Variants in MAGI1 observed in about 807,000 individuals in gnomAD.
The protein encoded by MAGI1 is membrane-associated guanylate kinase, WW and PDZ domain-containing protein 1.
A neutral mutation model predicts 139.9 loss-of-function variants in MAGI1; 58 were observed. The ratio of observed to expected loss-of-function variants is 0.41; its 90% CI spans 0.34 to 0.52. The LOEUF is 0.52. Among genes scored for constraint, MAGI1 ranks in the 20% least tolerant of loss-of-function variants. The pLI, the probability that MAGI1 is intolerant of heterozygous loss-of-function variation, is 0.12. For synonymous variants in MAGI1, 812 were observed against 737.9 expected, an observed-to-expected ratio of 1.10 and a Z score of -1.63; for missense variants, 1,874 against 1,901.6, an observed-to-expected ratio of 0.99 and a Z score of 0.27.
intron 2 of MAGI1, among the ~76,000 whole-genome samples, chr3:65,530,650 T>A (rs1319643707): frequency 7.0e-6 from 1 of 141,866 alleles, no homozygotes. Context: ...TGTGTGTGTG[T>A]GTGTGTGTGT....
At chr3:65,918,956 C>CA (rs2062038826) in intron 1 of MAGI1, among the ~76,000 whole-genome samples, 1 of 150,764 alleles carries the variant, frequency 6.6e-6, no homozygotes, top group African/African-American at 2.4e-5. Flanking sequence ...ACAAACAAAA[C>CA]AAAATGTAAA....
chr3:65,987,108 G>C (rs1335403406), intron 1 of MAGI1, among the ~76,000 whole-genome samples: 1 of 152,188 alleles, frequency 6.6e-6, no homozygotes, highest in Non-Finnish European at 1.5e-5. Context: ...CTGACCTCAA[G>C]TGATCCGCCT....
chr3:65,399,632 T>C (rs1381613273), intron 13 of MAGI1, among the ~76,000 whole-genome samples: 2 of 152,184 alleles, frequency 1.3e-5, no homozygotes, highest in Admixed American at 1.3e-4. Flanking sequence ...GGTAAAGCAG[T>C]TGAGAGCTTC....
intron 1 of MAGI1, among the ~76,000 whole-genome samples, chr3:65,787,640 G>A (rs1279138181): frequency 1.3e-5 from 2 of 151,180 alleles, no homozygotes; most frequent in African/African-American, 4.9e-5. Context: ...TAGGCCAGAT[G>A]GACAAATAAA....
chr3:65,364,823 C>G (rs1389885665), intron 19 of MAGI1, 30 bp downstream of exon 19: 1 of 1,612,860 alleles, frequency 6.2e-7, no homozygotes, highest in East Asian at 2.2e-5. Flanking sequence ...CTTTTTTCCC[C>G]TTTAACAAAG....
intron 1 of MAGI1, among the ~76,000 whole-genome samples, chr3:65,696,635 G>A (rs1200996512): frequency 6.6e-6 from 1 of 151,474 alleles, no homozygotes; most frequent in African/African-American, 2.4e-5. Flanking sequence ...TTTCCCTCCT[G>A]CTAGATACCA....
intron 1 of MAGI1, among the ~76,000 whole-genome samples, chr3:65,826,019 A>T (rs527848523): frequency 1.6e-3 from 240 of 151,708 alleles, no homozygotes; most frequent in African/African-American, 5.5e-3. Flanking sequence ...TTTGAATTTT[A>T]TATATATATA....
rs925180700 is a variant in MAGI1, at chr3:65,890,132, G to A, written c.313+147864C>T. ...TGTAATCCCGGCACTTTGGGAGGCC[G>A]AGTGGACGGATCACGAGGTCAGGAG... On this transcript the variant is annotated intron_variant, in intron 1 of 22. Coordinates refer to ENST00000402939, the MANE Select transcript of MAGI1 (RefSeq NM_001033057.2). 2.0e-4 allele frequency among the ~76,000 whole-genome samples: 16 copies of A among 81,814 alleles called. 1 individual carries two copies. The South Asian group carries it at 5.9e-3, about 30-fold the overall frequency. The allele number at this position is 81,814 out of a possible 152,430, so 53.7% of individuals were successfully genotyped here. A position where few individuals can be genotyped will look rare whatever the true frequency, so the allele number is the denominator to read the frequency against.
At position 65,465,993 on chromosome 3, in the gene MAGI1, T is replaced by A. The variant is rs542219679; in HGVS notation, c.959+4290A>T. Reference sequence around the variant, plus strand: ...TTTCAGGTCCACTGATTCTCTCCTCTCCCCACTCTCTTCTGCTGTTGAATC... The same window carrying A: ...TTTCAGGTCCACTGATTCTCTCCTCACCCCACTCTCTTCTGCTGTTGAATC... On this transcript the variant is annotated intron_variant, in intron 5 of 22. Coordinates refer to ENST00000402939, the MANE Select transcript of MAGI1 (RefSeq NM_001033057.2). Among the ~76,000 whole-genome samples the A allele has an allele frequency of 3.3e-5, 5 of 152,266 alleles. No individual in the cohort carries two copies. In the East Asian group the frequency reaches 9.7e-4, roughly 29 times the overall value.
At chr3:65,402,082 A>G (rs1944944644) in intron 12 of MAGI1, 1 of 197,182 alleles carries the variant, frequency 5.1e-6, no homozygotes, top group Non-Finnish European at 9.1e-6. Flanking sequence ...AAGTTGCTCT[A>G]GGGTCCCCTC....
intron 1 of MAGI1, among the ~76,000 whole-genome samples, chr3:65,701,134 A>T (rs1348477338): frequency 2.0e-5 from 3 of 152,222 alleles, no homozygotes; most frequent in African/African-American, 7.2e-5. Context: ...TTCACATATT[A>T]TTTAATTTTC....
At chr3:65,608,722 T>A (rs2082877939) in intron 2 of MAGI1, among the ~76,000 whole-genome samples, 1 of 152,198 alleles carries the variant, frequency 6.6e-6, no homozygotes, top group Non-Finnish European at 1.5e-5. Flanking sequence ...TGGAAACTAT[T>A]TGGCAATATT....
chr3:65,584,086 GAAAAAAAA>G (rs542674034), intron 2 of MAGI1, among the ~76,000 whole-genome samples: 53 of 95,860 alleles, frequency 5.5e-4, no homozygotes, highest in Non-Finnish European at 9.3e-4. Context: ...ATCTACTCTT[GAAAAAAAA>G]AAAAAAAAAA....
intron 1 of MAGI1, among the ~76,000 whole-genome samples, chr3:65,848,477 C>A (rs898487034): frequency 6.6e-6 from 1 of 152,084 alleles, no homozygotes; most frequent in African/African-American, 2.4e-5. Context: ...TTCCAAAGAG[C>A]TGACAGGCAA....
At chr3:65,791,496 G>A (rs1213671920) in intron 1 of MAGI1, among the ~76,000 whole-genome samples, 1 of 152,118 alleles carries the variant, frequency 6.6e-6, no homozygotes, top group Non-Finnish European at 1.5e-5. Flanking sequence ...CTACAAATGA[G>A]AATATTTATT....
chr3:65,391,375 G>A lies in MAGI1; in HGVS notation c.2200-17C>T. ...CAGTGGTTGCTGAAAGTAAGCAAGT[G>A]AGAGGGGCAAGAAGAAAAGATTATT... On this transcript the variant is annotated splice_polypyrimidine_tract_variant and intron_variant, in intron 13 of 22. Coordinates refer to ENST00000402939, the MANE Select transcript of MAGI1 (RefSeq NM_001033057.2). 5.6e-6 allele frequency: 9 copies of A among 1,602,050 alleles called. No individual in the cohort carries two copies. The highest frequency in any genetic ancestry group is 7.7e-6 in the Non-Finnish European group (9 of 1,169,126).
At chr3:65,655,821 G>A (rs529692559) in intron 1 of MAGI1, among the ~76,000 whole-genome samples, 1 of 152,306 alleles carries the variant, frequency 6.6e-6, no homozygotes, top group African/African-American at 2.4e-5. Context: ...GAATTCCAAT[G>A]TCCAGTTGAA....
intron 1 of MAGI1, among the ~76,000 whole-genome samples, chr3:65,655,935 T>C (rs1189225455): frequency 6.6e-6 from 1 of 152,212 alleles, no homozygotes; most frequent in Non-Finnish European, 1.5e-5. Context: ...AGAAATAATC[T>C]TTTCAGGTTT....
chr3:65,488,337 C>CT (rs893556351), intron 3 of MAGI1, among the ~76,000 whole-genome samples: 47 of 148,648 alleles, frequency 3.2e-4, no homozygotes, highest in Non-Finnish European at 4.8e-4. Flanking sequence ...AACTTTTTTT[C>CT]TTTTTTTTTT....
Sources: allele counts gnomAD v4.1 joint callset (sites outside exome capture counted in the v4.1 genomes callset), GRCh38; gene constraint gnomAD v4.1.1; transcripts MANE v1.5; gene names NCBI Gene and HGNC (gene_info 2026-07-23, HGNC 2026-07-21).